Variants in KCNA2 observed in about 807,000 individuals in gnomAD.
The protein encoded by KCNA2 is potassium voltage-gated channel subfamily A member 2.
In KCNA2, 11 loss-of-function variants were observed where a neutral mutation model predicts 33.4. The ratio of observed to expected loss-of-function variants is 0.33; its 90% CI spans 0.21 to 0.55. The LOEUF (loss-of-function observed/expected upper bound fraction) is 0.55. Ranked by LOEUF, KCNA2 falls within the 20% of genes least tolerant of loss-of-function variation. The probability of loss-of-function intolerance (pLI) is 0.93; values close to 1 mark genes in which losing one functional copy is unlikely to be tolerated. For synonymous variants in KCNA2, 222 were observed against 231.3 expected, an observed-to-expected ratio of 0.96 and a Z score of 0.37; for missense variants, 291 against 621.6, an observed-to-expected ratio of 0.47 and a Z score of 5.66.
At position 110,595,024 on chromosome 1, in the gene KCNA2, G is replaced by A. The variant is rs1052570758; in HGVS notation, c.*8259C>T. The stretch of plus-strand genomic sequence containing the variant: ...ATTCACTCATACAAACAAGGCATTC[G>A]GTGTCTAGGGAATCATTTTCAAGGA... On this transcript the variant is annotated 3_prime_UTR_variant, in exon 3 of 3. Transcript: ENST00000316361. 1.1e-5 allele frequency: 11 copies of A among 985,204 alleles called. No individual in the cohort carries two copies. Among genetic ancestry groups the A allele is most frequent in the Non-Finnish European group, 1.2e-5 (10 of 829,936 alleles). 61.0% of individuals were successfully genotyped at this position (985,204 alleles called of 1,614,324 possible).
intron 1 of KCNA2, among the ~76,000 whole-genome samples, chr1:110,621,809 C>G (rs1650266244): frequency 6.6e-6 from 1 of 151,952 alleles, no homozygotes; most frequent in African/African-American, 2.4e-5. Flanking sequence ...AACCCAGTAC[C>G]CCATAGTTAT....
upstream of KCNA2, among the ~76,000 whole-genome samples, chr1:110,607,025 GC>G (rs1221405978): frequency 6.6e-6 from 1 of 151,346 alleles, no homozygotes; most frequent in Non-Finnish European, 1.5e-5. Context: ...AGGGTCCCGA[GC>G]CCATTCTGTG....
At chr1:110,624,571 C>T (rs902691414) in intron 1 of KCNA2, among the ~76,000 whole-genome samples, 1 of 152,020 alleles carries the variant, frequency 6.6e-6, no homozygotes, top group Non-Finnish European at 1.5e-5. Context: ...AACATTAATA[C>T]TTAGTCTAAA....
chr1:110,595,828 C>T lies in KCNA2; in HGVS notation c.*7455G>A. The T allele has an allele frequency of 1.0e-6, 1 of 985,436 alleles. No individual in the cohort carries two copies. The highest frequency in any genetic ancestry group is 1.2e-6 in the Non-Finnish European group (1 of 829,928). 61.0% of individuals were successfully genotyped at this position (985,436 alleles called of 1,614,324 possible). A position where few individuals can be genotyped will look rare whatever the true frequency, so the allele number is the denominator to read the frequency against. ...TGTGTGGCAGAGATGTGCTTTAGTT[C>T]TTCATTGGAATGTTACTTTCAGATC... On this transcript the variant is annotated 3_prime_UTR_variant, in exon 3 of 3. Coordinates refer to ENST00000316361, the MANE Select transcript of KCNA2 (RefSeq NM_004974.4).
chr1:110,596,845 G>A lies in KCNA2; in HGVS notation c.*6438C>T. ...TGCTGTACATATGTGTATAGAGCAAGGTAGATCAAAAAAGGATGGAATGGG... is the reference window on the plus strand; with the variant it reads ...TGCTGTACATATGTGTATAGAGCAAAGTAGATCAAAAAAGGATGGAATGGG... On this transcript the variant is annotated 3_prime_UTR_variant, in exon 3 of 3. Coordinates refer to ENST00000316361, the MANE Select transcript of KCNA2 (RefSeq NM_004974.4). 1 of 985,396 alleles carries A rather than the reference G, an allele frequency of 1.0e-6. No individual in the cohort carries two copies. The highest frequency in any genetic ancestry group is 1.2e-6 in the Non-Finnish European group (1 of 829,916). The allele number at this position is 985,396 out of a possible 1,614,324, so 61.0% of individuals were successfully genotyped here. A position where few individuals can be genotyped will look rare whatever the true frequency, so the allele number is the denominator to read the frequency against.
chr1:110,615,934 G>A (rs1207963653), intron 1 of KCNA2, among the ~76,000 whole-genome samples: 1 of 152,200 alleles, frequency 6.6e-6, no homozygotes, highest in East Asian at 1.9e-4. Flanking sequence ...TCATCCAACA[G>A]TGCCACCCAA....
In KCNA2 at chr1:110,594,185, A is replaced by G. The variant is rs1159292596; in HGVS notation, c.*9098T>C. The G allele has an allele frequency of 1.6e-6, 2 of 1,230,146 alleles. No homozygotes were observed. Among genetic ancestry groups the G allele is most frequent in the Non-Finnish European group, 2.0e-6 (2 of 982,606 alleles). The allele number at this position is 1,230,146 out of a possible 1,614,324, so 76.2% of individuals were successfully genotyped here. ...TATTAGAGACAGGACATGGGAGGGC[A>G]GCTGAAGATTCATGCACAAGCAGCA... On this transcript the variant is annotated 3_prime_UTR_variant, in exon 3 of 3. Coordinates refer to ENST00000316361, the MANE Select transcript of KCNA2 (RefSeq NM_004974.4).
In KCNA2 at chr1:110,596,674, G is replaced by T; in HGVS notation, c.*6609C>A. The T allele has an allele frequency of 1.1e-6, 1 of 942,664 alleles. No homozygotes were observed. Among genetic ancestry groups the T allele is most frequent in the Non-Finnish European group, 1.3e-6 (1 of 791,090 alleles). The allele number at this position is 942,664 out of a possible 1,614,324, so 58.4% of individuals were successfully genotyped here. A position where few individuals can be genotyped will look rare whatever the true frequency, so the allele number is the denominator to read the frequency against. Reference sequence around the variant, plus strand: ...CACTCTACTTAACTAAGGCAGGAAAGTTATGCTAACCTACTTAGGAAATAT... The same window carrying T: ...CACTCTACTTAACTAAGGCAGGAAATTTATGCTAACCTACTTAGGAAATAT... On this transcript the variant is annotated 3_prime_UTR_variant, in exon 3 of 3. Transcript: ENST00000316361.
rs1310363966 is a variant in KCNA2 at position 110,599,633 on chromosome 1, C to T, written c.*3650G>A. On this transcript the variant is annotated 3_prime_UTR_variant, in exon 3 of 3. Transcript: ENST00000316361. ...GGTCTCAACTTCCTGACCGTGCCCC[C>T]AACAAAGCTGCAAAGGATGGAAGGG... 11 of 985,306 alleles carry T rather than the reference C, an allele frequency of 1.1e-5. 1 individual carries two copies. The highest frequency in any genetic ancestry group is 1.7e-5 in the African/African-American group (1 of 57,226). The allele number at this position is 985,306 out of a possible 1,614,324, so 61.0% of individuals were successfully genotyped here.
Position 110,603,191 on chromosome 1 carries a change from T to G in KCNA2, c.*92A>C, listed in dbSNP as rs182308052. 2 of 1,513,730 alleles carry G rather than the reference T, an allele frequency of 1.3e-6. 1 individual carries two copies. 93.8% of individuals were successfully genotyped at this position (1,513,730 alleles called of 1,614,324 possible). On this transcript the variant is annotated 3_prime_UTR_variant, in exon 3 of 3. Transcript: ENST00000316361. This position sits in a 1 kb window ranked among gnomAD's most constrained non-coding sequence, Gnocchi z 5.7. Reference sequence around the variant, plus strand: ...CTATTGCTTTCCATGCAGAACCAGATACACACTGTAGAACACACTGACTAC... The same window carrying G: ...CTATTGCTTTCCATGCAGAACCAGAGACACACTGTAGAACACACTGACTAC...
At chr1:110,625,709 C>G (rs1032662708) in intron 1 of KCNA2, among the ~76,000 whole-genome samples, 2 of 151,960 alleles carry the variant, frequency 1.3e-5, no homozygotes, top group South Asian at 4.2e-4. Context: ...AGACAAATGG[C>G]TAATCTTCAT....
chr1:110,594,890 C>T lies in KCNA2; in HGVS notation c.*8393G>A. 1 of 985,444 alleles carries T rather than the reference C, an allele frequency of 1.0e-6. No individual in the cohort carries two copies. Among genetic ancestry groups the T allele is most frequent in the Non-Finnish European group, 1.2e-6 (1 of 829,942 alleles). The allele number at this position is 985,444 out of a possible 1,614,324, so 61.0% of individuals were successfully genotyped here. On this transcript the variant is annotated 3_prime_UTR_variant, in exon 3 of 3. Transcript: ENST00000316361. ...CCCTACACTTCATAGGCTAAAAAGG[C>T]AGTAATGTTAGCAGCTGACATGGAA...
Position 110,599,953 on chromosome 1 carries a change from C to G in KCNA2, c.*3330G>C. ...AAGGTGAATTGGTAGAGACCCCATG[C>G]AATTCCTGGTCTTAGTCAGATATCT... is the stretch of plus-strand genomic sequence containing the variant. On this transcript the variant is annotated 3_prime_UTR_variant, in exon 3 of 3. Transcript: ENST00000316361. 1.0e-6 allele frequency: 1 copy of G among 985,350 alleles called. No homozygotes were observed. Among genetic ancestry groups the G allele is most frequent in the South Asian group, 4.7e-5 (1 of 21,282 alleles). The allele number at this position is 985,350 out of a possible 1,614,324, so 61.0% of individuals were successfully genotyped here.
chr1:110,606,093 CT>C (rs1217239404), intron 1 of KCNA2, 134 bp downstream of exon 1: 1 of 153,678 alleles, frequency 6.5e-6, no homozygotes, highest in Non-Finnish European at 1.4e-5. Flanking sequence ...TCACTGCAGC[CT>C]GTCTACAAGC....
In KCNA2 at chr1:110,601,695, A is replaced by C; in HGVS notation, c.*1588T>G. ...CCCAGGCCCAGTGGGGTTACCAATG[A>C]GACAAATTAACCCATTAGGCCTCTT... On this transcript the variant is annotated 3_prime_UTR_variant, in exon 3 of 3. Transcript: ENST00000316361. The C allele has an allele frequency of 2.7e-6, 3 of 1,111,486 alleles. No individual in the cohort carries two copies. The African/African-American group carries it at 4.9e-5, about 18-fold the overall frequency. The allele number at this position is 1,111,486 out of a possible 1,614,324, so 68.9% of individuals were successfully genotyped here.
chr1:110,618,357 CA>C (rs1650139078), intron 1 of KCNA2, among the ~76,000 whole-genome samples: 1 of 152,142 alleles, frequency 6.6e-6, no homozygotes, highest in African/African-American at 2.4e-5. Context: ...TGAGAAAAGG[CA>C]TTTTATCCTC....
chr1:110,604,902 A>ACCAG lies in KCNA2; in HGVS notation c.-121_-120insCTGG. The ACCAG allele has an allele frequency of 5.5e-6, 5 of 901,122 alleles. No individual in the cohort carries two copies. Among genetic ancestry groups the ACCAG allele is most frequent in the African/African-American group, 1.7e-5 (1 of 59,742 alleles). The allele number at this position is 901,122 out of a possible 1,614,324, so 55.8% of individuals were successfully genotyped here. A position where few individuals can be genotyped will look rare whatever the true frequency, so the allele number is the denominator to read the frequency against. On this transcript the variant is annotated 5_prime_UTR_variant, in exon 3 of 3. Transcript: ENST00000316361. The surrounding 1 kb of genome is among the most constrained non-coding windows in gnomAD (Gnocchi z 7.6). The stretch of plus-strand genomic sequence containing the variant: ...GCATTGGCCTGGTCTCCTGCAGGAG[A>ACCAG]GCCCCGAGAGCTCTCTGAGAGCTGG...
In KCNA2 at chr1:110,601,300, C is replaced by T. The variant is rs1649332463; in HGVS notation, c.*1983G>A. ...CACATAGAGGAGGCTCCCTTTAGGT[C>T]CAGATCAGTGGAATTTGGTCCCAGG... On this transcript the variant is annotated 3_prime_UTR_variant, in exon 3 of 3. Transcript: ENST00000316361. The T allele has an allele frequency of 1.0e-6, 1 of 985,254 alleles. No homozygotes were observed. Among genetic ancestry groups the T allele is most frequent in the Admixed American group, 6.1e-5 (1 of 16,266 alleles). 61.0% of individuals were successfully genotyped at this position (985,254 alleles called of 1,614,324 possible).
At position 110,594,180 on chromosome 1, in the gene KCNA2, A is replaced by G; in HGVS notation, c.*9103T>C. ...GCAATTATTAGAGACAGGACATGGG[A>G]GGGCAGCTGAAGATTCATGCACAAG... On this transcript the variant is annotated 3_prime_UTR_variant, in exon 3 of 3. Transcript: ENST00000316361. The G allele has an allele frequency of 8.0e-7, 1 of 1,245,946 alleles. No homozygotes were observed. Among genetic ancestry groups the G allele is most frequent in the Non-Finnish European group, 1.0e-6 (1 of 992,202 alleles). The allele number at this position is 1,245,946 out of a possible 1,614,324, so 77.2% of individuals were successfully genotyped here.
Sources: gnomAD v4.1 joint callset for allele counts (sites outside exome capture counted in the v4.1 genomes callset) on GRCh38, gnomAD v4.1.1 for gene constraint, Gnocchi (gnomAD v3.1) non-coding constraint, MANE v1.5 for transcripts, NCBI Gene and HGNC (gene_info 2026-07-23, HGNC 2026-07-21) for gene names.